STAU2: variants seen among roughly 807,000 people sequenced by gnomAD.
STAU2 encodes the protein staufen double-stranded RNA binding protein 2.
In STAU2, 20 loss-of-function variants were observed where a neutral mutation model predicts 65.9. The ratio of observed to expected loss-of-function variants is 0.30; its 90% CI spans 0.21 to 0.44. The LOEUF is 0.44. Among genes scored for constraint, STAU2 ranks in the 20% least tolerant of loss-of-function variants. STAU2 has a pLI of 1.00. For missense variants in STAU2, 558 were observed against 683.9 expected (o/e 0.82, Z 2.05); for synonymous variants, 232 against 233.9 (o/e 0.99, Z 0.07).
At chr8:73,680,543 G>T (rs1231578622) in intron 5 of STAU2, among the ~76,000 whole-genome samples, 1 of 151,988 alleles carries the variant, frequency 6.6e-6, no homozygotes, top group Non-Finnish European at 1.5e-5. Flanking sequence ...CTGGTAATAT[G>T]ACAAAACAAG....
intron 12 of STAU2, among the ~76,000 whole-genome samples, chr8:73,573,748 T>A (rs1809292751): frequency 6.6e-6 from 1 of 152,118 alleles, no homozygotes; most frequent in African/African-American, 2.4e-5. Context: ...TACAAAAAAA[T>A]TAATTCAAGA....
At position 73,557,802 on chromosome 8, in the gene STAU2, TGAA is replaced by T. The variant is rs1472736101; in HGVS notation, c.1223-5486_1223-5484del. Among the ~76,000 whole-genome samples, 5 of 152,320 alleles carry T rather than the reference TGAA, an allele frequency of 3.3e-5. No homozygotes were observed. In the East Asian group the frequency reaches 9.7e-4, roughly 29 times the overall value. ...CCATTATATTCATTCACCCTTTATC[TGAA>T]GAGGTCCTGAACCCATTCTGCCATC... On this transcript the variant is annotated intron_variant, in intron 12 of 14. Transcript: ENST00000524300.
intron 13 of STAU2, among the ~76,000 whole-genome samples, chr8:73,534,285 T>C (rs1806038567): frequency 6.6e-6 from 1 of 152,198 alleles, no homozygotes; most frequent in Non-Finnish European, 1.5e-5. Flanking sequence ...TTTCGCAACG[T>C]CTGCACCTCA....
In STAU2 at chr8:73,489,115, G is replaced by A. The variant is rs899336129; in HGVS notation, c.1530+62897C>T. 5.3e-5 allele frequency among the ~76,000 whole-genome samples: 8 copies of A among 151,472 alleles called. No homozygotes were observed. In the East Asian group the frequency reaches 5.8e-4, roughly 11 times the overall value. ...TTCAAATTTATTAATTTTTAAAAAC[G>A]AACAACAATGTAACTAAAGAAAAAT... On this transcript the variant is annotated intron_variant, in intron 13 of 14. Transcript: ENST00000524300.
At chr8:73,605,308 T>TC (rs1811929553) in intron 9 of STAU2, among the ~76,000 whole-genome samples, 1 of 114,108 alleles carries the variant, frequency 8.8e-6, no homozygotes, top group Non-Finnish European at 1.8e-5. Context: ...GCTTTTTTCC[T>TC]TTTTTTTTTT....
chr8:73,618,359 T>C (rs938857211), intron 6 of STAU2, among the ~76,000 whole-genome samples: 2 of 152,056 alleles, frequency 1.3e-5, no homozygotes, highest in African/African-American at 4.8e-5. Flanking sequence ...TGTAAAGACA[T>C]GAAATAAGTT....
chr8:73,729,186 G>A (rs925958811), intron 3 of STAU2, among the ~76,000 whole-genome samples: 2 of 152,270 alleles, frequency 1.3e-5, no homozygotes, highest in East Asian at 1.9e-4. Context: ...AAACAATCAC[G>A]TGGGGGTTTT....
chr8:73,650,298 G>A (rs985232795), intron 6 of STAU2, among the ~76,000 whole-genome samples: 6 of 151,498 alleles, frequency 4.0e-5, no homozygotes. Context: ...CCCATTAACA[G>A]GTCATGAAAT....
intron 13 of STAU2, among the ~76,000 whole-genome samples, chr8:73,475,396 G>A (rs1433797984): frequency 6.6e-6 from 1 of 152,128 alleles, no homozygotes; most frequent in Non-Finnish European, 1.5e-5. Context: ...TGCAGCTGAG[G>A]CACAGAAGCT....
intron 13 of STAU2, among the ~76,000 whole-genome samples, chr8:73,430,440 T>A (rs990345383): frequency 2.0e-5 from 3 of 152,132 alleles, no homozygotes. Context: ...ATCAGGGCTC[T>A]CCTCTCACAC....
intron 12 of STAU2, among the ~76,000 whole-genome samples, chr8:73,569,991 C>T (rs909585783): frequency 3.3e-5 from 5 of 152,194 alleles, no homozygotes; most frequent in Admixed American, 3.3e-4. Flanking sequence ...AAGAAGGCTT[C>T]AGATGATTGG....
At chr8:73,635,952 C>CAA (rs1586165974) in intron 6 of STAU2, among the ~76,000 whole-genome samples, 6 of 80,250 alleles carry the variant, frequency 7.5e-5, no homozygotes, top group African/African-American at 2.2e-4. Context: ...ACACACACAC[C>CAA]CCTGGAACCA....
chr8:73,729,371 A>AT (rs779943093), intron 3 of STAU2, among the ~76,000 whole-genome samples: 47 of 152,258 alleles, frequency 3.1e-4, no homozygotes, highest in Non-Finnish European at 4.9e-4. Context: ...TAATTTTCGC[A>AT]TTACGTCTTT....
chr8:73,605,878 TACACACACACACACACACACAC>T (rs58486426), intron 9 of STAU2, among the ~76,000 whole-genome samples: 5 of 117,756 alleles, frequency 4.2e-5, no homozygotes, highest in African/African-American at 1.3e-4. Context: ...CACACACACA[TACACACACACACACACACACAC>T]ACACACACAC....
intron 13 of STAU2, among the ~76,000 whole-genome samples, chr8:73,430,269 A>G (rs1817163284): frequency 6.6e-6 from 1 of 152,204 alleles, no homozygotes; most frequent in Non-Finnish European, 1.5e-5. Flanking sequence ...GAAGCGAATA[A>G]AAATCAAGGG....
At chr8:73,714,236 C>A (rs1256544832) in intron 3 of STAU2, among the ~76,000 whole-genome samples, 2 of 152,152 alleles carry the variant, frequency 1.3e-5, no homozygotes, top group Non-Finnish European at 2.9e-5. Flanking sequence ...TTACTGGTTC[C>A]CCTTTCTCTA....
chr8:73,491,080 T>C (rs1365933924), intron 13 of STAU2, among the ~76,000 whole-genome samples: 4 of 152,032 alleles, frequency 2.6e-5, no homozygotes, highest in Non-Finnish European at 5.9e-5. Context: ...ACACCATGAA[T>C]GTAAACTACA....
intron 6 of STAU2, among the ~76,000 whole-genome samples, chr8:73,658,004 C>T (rs915703331): frequency 6.6e-6 from 1 of 151,318 alleles, no homozygotes; most frequent in East Asian, 1.9e-4. Context: ...CAGAGCAACA[C>T]TCCATTAAAA....
At chr8:73,551,620 C>A in intron 13 of STAU2, 1 of 991,798 alleles carries the variant, frequency 1.0e-6, no homozygotes, top group African/African-American at 1.7e-5. Context: ...GAAACTCAAT[C>A]CTTATGTAAA....
Sources: gnomAD v4.1 joint callset for allele counts (sites outside exome capture counted in the v4.1 genomes callset) on GRCh38, gnomAD v4.1.1 for gene constraint, MANE v1.5 for transcripts, NCBI Gene and HGNC (gene_info 2026-07-23, HGNC 2026-07-21) for gene names.